CLVS1: variants seen among roughly 807,000 people sequenced by gnomAD.
The protein encoded by CLVS1 is clavesin 1.
CLVS1 carries 10 observed loss-of-function variants against 33.1 expected under a neutral mutation model. The ratio of observed to expected loss-of-function variants is 0.30; its 90% CI spans 0.19 to 0.51. The LOEUF is 0.51. Among genes scored for constraint, CLVS1 ranks in the 20% least tolerant of loss-of-function variants. The probability of loss-of-function intolerance (pLI) is 0.97; values close to 1 mark genes in which losing one functional copy is unlikely to be tolerated. For synonymous variants in CLVS1, 163 were observed against 166.1 expected, an observed-to-expected ratio of 0.98 and a Z score of 0.14; for missense variants, 343 against 433.4, an observed-to-expected ratio of 0.79 and a Z score of 1.85.
intron 2 of CLVS1, among the ~76,000 whole-genome samples, chr8:61,232,040 T>TTTTTTTTTTTTTG (rs1808453785): frequency 2.9e-5 from 4 of 136,430 alleles, no homozygotes; most frequent in East Asian, 4.4e-4. Context: ...TTTTTTTTTT[T>TTTTTTTTTTTTTG]TTTTTTTTTT....
intron 3 of CLVS1, among the ~76,000 whole-genome samples, chr8:61,433,973 A>G (rs900878373): frequency 6.6e-6 from 1 of 151,994 alleles, no homozygotes; most frequent in Non-Finnish European, 1.5e-5. Flanking sequence ...ATGGGCTAGA[A>G]GAGGGGCCTT....
rs58959777 is a variant in CLVS1, at chr8:61,123,271, A to AAATAAT, written c.-242-8478_-242-8473dup. 1.3e-3 allele frequency among the ~76,000 whole-genome samples: 190 copies of AAATAAT among 146,962 alleles called. 19 individuals are homozygous for AAATAAT. Among genetic ancestry groups the AAATAAT allele is most frequent in the African/African-American group, 4.4e-3 (176 of 39,580 alleles). ...GAAACAAGAGTGAAACTCTGTCTCA[A>AAATAAT]AATAATAATAATAATAATAATAATA... is the stretch of plus-strand genomic sequence containing the variant. On this transcript the variant is annotated intron_variant, in intron 1 of 2. Coordinates refer to the CLVS1 transcript ENST00000522621.
At position 61,500,560 on chromosome 8, in the gene CLVS1, A is replaced by C. The variant is rs1242629494; in HGVS notation, c.*1018A>C. On this transcript the variant is annotated 3_prime_UTR_variant, in exon 6 of 6. Coordinates refer to ENST00000325897, the MANE Select transcript of CLVS1 (RefSeq NM_173519.3). Reference sequence around the variant, plus strand: ...GAGAAGACTAGAAATGCAGGATGAAATGTCAAAGGTCATTTTATTTACCTA... The same window carrying C: ...GAGAAGACTAGAAATGCAGGATGAACTGTCAAAGGTCATTTTATTTACCTA... 2.0e-5 allele frequency: 3 copies of C among 152,244 alleles called. No homozygotes were observed. Among genetic ancestry groups the C allele is most frequent in the African/African-American group, 4.8e-5 (2 of 41,470 alleles). 9.4% of individuals were successfully genotyped at this position (152,244 alleles called of 1,614,324 possible).
the CLVS1 span, among the ~76,000 whole-genome samples, chr8:60,997,090 G>A: frequency 2.6e-5 from 4 of 152,086 alleles, no homozygotes; most frequent in East Asian, 1.9e-4. Flanking sequence ...TGGATTTTGG[G>A]AAAAAATATT....
chr8:61,370,968 A>C (rs1813416495), intron 2 of CLVS1, among the ~76,000 whole-genome samples: 1 of 152,190 alleles, frequency 6.6e-6, no homozygotes, highest in Non-Finnish European at 1.5e-5. Flanking sequence ...ATGCATGAGC[A>C]AGTGTCTTTT....
chr8:61,353,172 T>C (rs1278077972), intron 2 of CLVS1, among the ~76,000 whole-genome samples: 2 of 151,984 alleles, frequency 1.3e-5, no homozygotes, highest in Non-Finnish European at 2.9e-5. Flanking sequence ...GACAGAAGAT[T>C]TGAACAACGC....
chr8:61,201,442 T>C (rs1156539728), intron 2 of CLVS1, among the ~76,000 whole-genome samples: 1 of 152,000 alleles, frequency 6.6e-6, no homozygotes, highest in African/African-American at 2.4e-5. Context: ...GTCTTTTTGA[T>C]AAAAAACAAA....
chr8:61,329,953 G>A lies in CLVS1; in HGVS notation c.455+29671G>A, dbSNP rs1214276904. 3.3e-5 allele frequency among the ~76,000 whole-genome samples: 5 copies of A among 152,112 alleles called. No individual in the cohort carries two copies. The East Asian group carries it at 5.8e-4, about 18-fold the overall frequency. Reference sequence around the variant, plus strand: ...CATTAGCTTTAGACTCTAAAGTTTAGAGGATTCCCTTTAGCTTTCCCCTAG... The same window carrying A: ...CATTAGCTTTAGACTCTAAAGTTTAAAGGATTCCCTTTAGCTTTCCCCTAG... On this transcript the variant is annotated intron_variant, in intron 2 of 5. Transcript: ENST00000325897.
chr8:61,354,435 C>A (rs1812601106), intron 2 of CLVS1, among the ~76,000 whole-genome samples: 1 of 151,902 alleles, frequency 6.6e-6, no homozygotes, highest in Non-Finnish European at 1.5e-5. Flanking sequence ...TGAAAAAAAA[C>A]TGTACATGGG....
At chr8:61,219,163 T>C (rs1485341692) in intron 2 of CLVS1, among the ~76,000 whole-genome samples, 1 of 152,072 alleles carries the variant, frequency 6.6e-6, no homozygotes, top group Non-Finnish European at 1.5e-5. Flanking sequence ...TTAATTCTTT[T>C]TCTTTTTTCT....
chr8:61,110,697 A>T (rs1488374446), intron 1 of CLVS1, among the ~76,000 whole-genome samples: 1 of 151,920 alleles, frequency 6.6e-6, no homozygotes, highest in African/African-American at 2.4e-5. Flanking sequence ...ACAGATCTCC[A>T]TTTCCTGCCT....
chr8:60,987,965 A>G, the CLVS1 span, among the ~76,000 whole-genome samples: 1 of 152,270 alleles, frequency 6.6e-6, no homozygotes, highest in African/African-American at 2.4e-5. Flanking sequence ...GTGAGAGATG[A>G]AGGTAGTCTG....
intron 2 of CLVS1, among the ~76,000 whole-genome samples, chr8:61,219,440 C>T (rs1808163383): frequency 1.3e-5 from 2 of 152,134 alleles, no homozygotes; most frequent in South Asian, 2.1e-4. Flanking sequence ...AGGATGATGG[C>T]TTCCAGCTTC....
chr8:61,226,091 A>G (rs1162340066), intron 2 of CLVS1, among the ~76,000 whole-genome samples: 1 of 152,228 alleles, frequency 6.6e-6, no homozygotes, highest in Non-Finnish European at 1.5e-5. Context: ...CTGAATTTCC[A>G]GTTTGAGATG....
chr8:61,155,630 C>T (rs897600586), intron 2 of CLVS1, among the ~76,000 whole-genome samples: 1 of 151,998 alleles, frequency 6.6e-6, no homozygotes, highest in East Asian at 1.9e-4. Context: ...ACATCTTTGG[C>T]ATATTTTGAT....
chr8:61,016,989 G>A, the CLVS1 span, among the ~76,000 whole-genome samples: 3 of 152,152 alleles, frequency 2.0e-5, no homozygotes, highest in Non-Finnish European at 4.4e-5. Flanking sequence ...TGGTGGGAGC[G>A]GCTGAGCAAA....
intron 3 of CLVS1, among the ~76,000 whole-genome samples, chr8:61,423,746 A>G: frequency 6.6e-6 from 1 of 152,206 alleles, no homozygotes; most frequent in South Asian, 2.1e-4. Flanking sequence ...GCAGATTCTT[A>G]GTATATTATA....
rs147659986 is a variant in CLVS1, at chr8:61,400,580, G to T, written c.630+23801G>T. On this transcript the variant is annotated intron_variant, in intron 3 of 5. Coordinates refer to ENST00000325897, the MANE Select transcript of CLVS1 (RefSeq NM_173519.3). ...ACTTTCAATTCAATGTTGACGAGGA[G>T]TGATGAGAGAGTGCATCCTTGTCTT... Among the ~76,000 whole-genome samples, 55 of 152,322 alleles carry T rather than the reference G, an allele frequency of 3.6e-4. No individual in the cohort carries two copies. The East Asian group carries it at 8.1e-3, about 22-fold the overall frequency.
intron 2 of CLVS1, among the ~76,000 whole-genome samples, chr8:61,349,128 A>G (rs1025875014): frequency 6.6e-6 from 1 of 152,016 alleles, no homozygotes. Context: ...CCTTTGTTAG[A>G]TGTATGGTTT....
Sources: allele counts gnomAD v4.1 joint callset (sites outside exome capture counted in the v4.1 genomes callset), GRCh38; gene constraint gnomAD v4.1.1; transcripts MANE v1.5; gene names NCBI Gene and HGNC (gene_info 2026-07-23, HGNC 2026-07-21).